The following TNNI3K variants were observed in gnomAD, a reference collection of about 807,000 sequenced individuals.
The protein encoded by TNNI3K is serine/threonine-protein kinase TNNI3K.
Under a neutral mutation model 114.5 loss-of-function variants are expected in TNNI3K, and 140 were observed. That is an observed-to-expected ratio of 1.22 (90% CI 1.07 to 1.41). The LOEUF (loss-of-function observed/expected upper bound fraction) is 1.41, where lower values mean the gene tolerates loss of function less well. Ranked by LOEUF, TNNI3K falls within the 40% of genes most tolerant of loss-of-function variation. The pLI, the probability that TNNI3K is intolerant of heterozygous loss-of-function variation, is 0.00. For synonymous variants in TNNI3K, 347 were observed against 347.5 expected (o/e 1.00, Z 0.02); for missense variants, 1,125 against 1,007.6 (o/e 1.12, Z -1.58).
At chr1:74,314,050 TA>T (rs1557491415) in intron 5 of TNNI3K, among the ~76,000 whole-genome samples, 11 of 43,700 alleles carry the variant, frequency 2.5e-4, no homozygotes, top group Non-Finnish European at 2.8e-4. Context: ...GTTCATTATA[TA>T]TATATATATA....
intron 5 of TNNI3K, among the ~76,000 whole-genome samples, chr1:74,321,438 A>C (rs375711827): frequency 1.1e-4 from 17 of 152,166 alleles, no homozygotes; most frequent in Middle Eastern, 3.4e-3. Context: ...ACTTTAGTGA[A>C]AGGATGTTAC....
At chr1:74,319,174 CCATGCTTCTTCA>C (rs1659476397) in intron 5 of TNNI3K, among the ~76,000 whole-genome samples, 1 of 152,128 alleles carries the variant, frequency 6.6e-6, no homozygotes, top group Non-Finnish European at 1.5e-5. Flanking sequence ...TAATCCACTT[CCATGCTTCTTCA>C]CATGGACTTT....
chr1:74,356,169 A>G (rs1661645171), intron 11 of TNNI3K, among the ~76,000 whole-genome samples: 1 of 152,188 alleles, frequency 6.6e-6, no homozygotes, highest in African/African-American at 2.4e-5. Context: ...AGCCAACAAT[A>G]TGTGAGATTC....
At chr1:74,487,605 C>T (rs1012890269) in intron 21 of TNNI3K, among the ~76,000 whole-genome samples, 1 of 151,632 alleles carries the variant, frequency 6.6e-6, no homozygotes, top group African/African-American at 2.4e-5. Context: ...GGAAGTGAAT[C>T]TAATGATAAA....
chr1:74,537,577 A>T (rs777842651), intron 23 of TNNI3K, among the ~76,000 whole-genome samples: 1 of 152,214 alleles, frequency 6.6e-6, no homozygotes, highest in Non-Finnish European at 1.5e-5. Context: ...TATTTAATTT[A>T]ACATACATAC....
intron 17 of TNNI3K, among the ~76,000 whole-genome samples, chr1:74,398,725 A>T (rs1429507086): frequency 1.3e-5 from 2 of 152,174 alleles, no homozygotes; most frequent in Non-Finnish European, 2.9e-5. Context: ...GATGGGAGCC[A>T]CTTTATCTTG....
chr1:74,518,873 C>CTTTTTTTTTTTTTTTTTTTATTTTTTTTT (rs1646388103), intron 23 of TNNI3K, among the ~76,000 whole-genome samples: 1 of 100,358 alleles, frequency 1.0e-5, no homozygotes, highest in Non-Finnish European at 1.8e-5. Flanking sequence ...TTTTTTTTCC[C>CTTTTTTTTTTTTTTTTTTTATTTTTTTTT]CTTTTTTTTT....
intron 5 of TNNI3K, among the ~76,000 whole-genome samples, chr1:74,326,596 A>T (rs552696729): frequency 6.6e-6 from 1 of 152,320 alleles, no homozygotes; most frequent in African/African-American, 2.4e-5. Context: ...CAACTTTGGA[A>T]CATAAGTTTA....
chr1:74,541,477 A>G (rs1388447581), intron 24 of TNNI3K: 2 of 152,170 alleles, frequency 1.3e-5, no homozygotes, highest in African/African-American at 2.4e-5. Flanking sequence ...AATGCACTCC[A>G]AGTGTCACAT....
At chr1:74,518,918 C>T (rs1419440145) in intron 23 of TNNI3K, among the ~76,000 whole-genome samples, 1 of 79,202 alleles carries the variant, frequency 1.3e-5, no homozygotes, top group Non-Finnish European at 2.0e-5. Flanking sequence ...TTTTAGGGTA[C>T]ATGTGCACAT....
At chr1:74,351,278 A>G (rs1288005166) in intron 9 of TNNI3K, among the ~76,000 whole-genome samples, 7 of 150,790 alleles carry the variant, frequency 4.6e-5, no homozygotes, top group Admixed American at 4.6e-4. Flanking sequence ...TTTCTTTAAG[A>G]ATGTTGAATA....
At chr1:74,478,937 T>C (rs1484291994) in intron 21 of TNNI3K, among the ~76,000 whole-genome samples, 2 of 152,226 alleles carry the variant, frequency 1.3e-5, no homozygotes, top group African/African-American at 4.8e-5. Flanking sequence ...TCCTAACATT[T>C]GAATTTCCTT....
At chr1:74,470,349 C>G in intron 21 of TNNI3K, 2 of 400,632 alleles carry the variant, frequency 5.0e-6, no homozygotes, top group Non-Finnish European at 8.8e-6. Context: ...TAGAATCTGT[C>G]TTGCTTTCAT....
At chr1:74,323,499 C>T (rs1043046884) in intron 5 of TNNI3K, among the ~76,000 whole-genome samples, 3 of 151,592 alleles carry the variant, frequency 2.0e-5, no homozygotes, top group African/African-American at 7.3e-5. Context: ...AATCAAAAGG[C>T]AAGTGGTAAA....
chr1:74,302,636 G>A (rs1326898239), intron 5 of TNNI3K, among the ~76,000 whole-genome samples: 1 of 152,148 alleles, frequency 6.6e-6, no homozygotes, highest in Admixed American at 6.5e-5. Flanking sequence ...ATAGAAAGTC[G>A]AACTAGTCAC....
At chr1:74,296,278 A>AT (rs1657980000) in intron 5 of TNNI3K, among the ~76,000 whole-genome samples, 1 of 152,032 alleles carries the variant, frequency 6.6e-6, no homozygotes, top group Non-Finnish European at 1.5e-5. Context: ...TCCGTCAAAA[A>AT]AAAAAAAAAA....
intron 21 of TNNI3K, chr1:74,464,536 G>A (rs1667585388): frequency 2.1e-6 from 3 of 1,433,164 alleles, no homozygotes; most frequent in Non-Finnish European, 2.7e-6. Context: ...AATAAAGTGA[G>A]GCTATTATTT....
intron 6 of TNNI3K, 26 bp from the exon 7 acceptor site, chr1:74,335,985 T>C: frequency 2.6e-6 from 4 of 1,544,316 alleles, no homozygotes; most frequent in African/African-American, 1.4e-5. Context: ...ATTTTTATAC[T>C]GATTTCAAAT....
intron 23 of TNNI3K, among the ~76,000 whole-genome samples, chr1:74,518,712 T>A (rs909432214): frequency 3.3e-5 from 5 of 152,116 alleles, no homozygotes; most frequent in Non-Finnish European, 7.4e-5. Flanking sequence ...ATTATATTAG[T>A]GTTTTGAACA....
Sources: gnomAD v4.1 joint callset for allele counts (sites outside exome capture counted in the v4.1 genomes callset) on GRCh38, gnomAD v4.1.1 for gene constraint, MANE v1.5 for transcripts, NCBI Gene and HGNC (gene_info 2026-07-23, HGNC 2026-07-21) for gene names.